The following RNF170 variants were observed in gnomAD, a reference collection of about 807,000 sequenced individuals.
RNF170 encodes the protein ring finger protein 170.
Under a neutral mutation model 32.7 loss-of-function variants are expected in RNF170, and 12 were observed. That is an observed-to-expected ratio of 0.37 (90% CI 0.24 to 0.60). RNF170 has a LOEUF of 0.60. Ranked by LOEUF, RNF170 falls within the 20% of genes least tolerant of loss-of-function variation. The pLI, the probability that RNF170 is intolerant of heterozygous loss-of-function variation, is 0.72. For missense variants in RNF170, 212 were observed against 311.2 expected (o/e 0.68, Z 2.40); for synonymous variants, 91 against 103.6 (o/e 0.88, Z 0.74).
Position 42,853,470 on chromosome 8 carries a change from G to A in RNF170, c.*2689C>T. ...TCTTCCCTTGTACCTCTCAAACACT[G>A]AGAATTGTAGTAGTTGAAACCACTG... is the stretch of plus-strand genomic sequence containing the variant. On this transcript the variant is annotated 3_prime_UTR_variant, in exon 7 of 7. Coordinates refer to ENST00000527424, the MANE Select transcript of RNF170 (RefSeq NM_030954.4). The A allele has an allele frequency of 7.8e-7, 1 of 1,287,112 alleles. No individual in the cohort carries two copies. Among genetic ancestry groups the A allele is most frequent in the Non-Finnish European group, 1.0e-6 (1 of 988,640 alleles). The allele number at this position is 1,287,112 out of a possible 1,614,324, so 79.7% of individuals were successfully genotyped here.
At chr8:42,896,254 C>A (rs946633914) in intron 1 of RNF170, 1 of 343,094 alleles carries the variant, frequency 2.9e-6, no homozygotes, top group Admixed American at 4.1e-5. Context: ...CCAAACCCAC[C>A]TAGAGCCGCT....
chr8:42,857,618 A>G (rs1019347618), intron 6 of RNF170, among the ~76,000 whole-genome samples: 6 of 152,264 alleles, frequency 3.9e-5, no homozygotes, highest in Non-Finnish European at 8.8e-5. Context: ...AATATTAAAG[A>G]GCTAAATGCC....
At chr8:42,880,103 T>C (rs1805267884) in intron 2 of RNF170, among the ~76,000 whole-genome samples, 5 of 152,176 alleles carry the variant, frequency 3.3e-5, no homozygotes. Context: ...TCACTGCAGA[T>C]ATGGTGGAAA....
intron 1 of RNF170, 148 bp from the exon 2 acceptor site, chr8:42,888,019 A>C: frequency 1.4e-6 from 1 of 712,832 alleles, no homozygotes; most frequent in Non-Finnish European, 2.4e-6. Context: ...GGACTGATGG[A>C]GTTCTTTAAA....
At chr8:42,894,136 A>C (rs778102574) in intron 1 of RNF170, among the ~76,000 whole-genome samples, 21 of 152,358 alleles carry the variant, frequency 1.4e-4, no homozygotes, top group Non-Finnish European at 2.6e-4. Flanking sequence ...ACATCCAAAA[A>C]GTTTTTACTA....
chr8:42,885,592 T>C (rs746757836), intron 2 of RNF170, among the ~76,000 whole-genome samples: 7 of 152,218 alleles, frequency 4.6e-5, no homozygotes, highest in Non-Finnish European at 8.8e-5. Flanking sequence ...TGTTTTCATC[T>C]TTTTGATAAC....
chr8:42,879,796 T>C (rs1255504900), intron 2 of RNF170, among the ~76,000 whole-genome samples: 1 of 152,020 alleles, frequency 6.6e-6, no homozygotes, highest in Non-Finnish European at 1.5e-5. Context: ...TGCCTCAGCC[T>C]CCCAAGTTGC....
At chr8:42,861,073 A>G (rs183089089) in intron 6 of RNF170, among the ~76,000 whole-genome samples, 8 of 152,226 alleles carry the variant, frequency 5.3e-5, no homozygotes, top group Non-Finnish European at 1.2e-4. Flanking sequence ...AATAGAATAA[A>G]CCACAACTGT....
intron 1 of RNF170, among the ~76,000 whole-genome samples, chr8:42,895,939 C>G (rs1338938850): frequency 6.6e-6 from 1 of 152,152 alleles, no homozygotes; most frequent in Non-Finnish European, 1.5e-5. Flanking sequence ...TCGTTTTTAT[C>G]TGGGTGTTTT....
intron 6 of RNF170, among the ~76,000 whole-genome samples, chr8:42,857,645 TTCA>T (rs1366079148): frequency 3.9e-5 from 6 of 152,238 alleles, no homozygotes; most frequent in Admixed American, 3.3e-4. Context: ...ATATTATAAT[TTCA>T]TCACATACCA....
intron 2 of RNF170, among the ~76,000 whole-genome samples, chr8:42,876,661 T>C (rs1311107565): frequency 1.3e-5 from 2 of 148,376 alleles, no homozygotes; most frequent in Non-Finnish European, 3.0e-5. Context: ...TTGTGGGTTT[T>C]TTTTTTTTTT....
intron 2 of RNF170, among the ~76,000 whole-genome samples, chr8:42,876,958 T>G (rs1286622479): frequency 6.9e-6 from 1 of 145,532 alleles, no homozygotes; most frequent in South Asian, 2.1e-4. Flanking sequence ...CCCGGACTTT[T>G]TTTTTTTTTT....
downstream of RNF170, chr8:42,849,792 T>G (rs1007212386): frequency 7.2e-5 from 11 of 152,262 alleles, no homozygotes; most frequent in Non-Finnish European, 1.6e-4. Context: ...TATTGTTTTC[T>G]CATTCATTGA....
downstream of RNF170, among the ~76,000 whole-genome samples, chr8:42,851,807 T>A (rs748906230): frequency 2.9e-4 from 44 of 152,036 alleles, 1 homozygote; most frequent in Non-Finnish European, 5.4e-4. Context: ...CTGGCTAATT[T>A]TATTTGTAGA....
At chr8:42,872,325 T>C (rs1804583181) in intron 3 of RNF170, among the ~76,000 whole-genome samples, 1 of 152,234 alleles carries the variant, frequency 6.6e-6, no homozygotes, top group Non-Finnish European at 1.5e-5. Context: ...GCCTTACTTA[T>C]GTCTAAAGAT....
intron 1 of RNF170, among the ~76,000 whole-genome samples, chr8:42,890,066 T>G (rs889048097): frequency 6.6e-6 from 1 of 152,144 alleles, no homozygotes; most frequent in Non-Finnish European, 1.5e-5. Context: ...ACAAATGCAT[T>G]GTAATTATTC....
intron 3 of RNF170, among the ~76,000 whole-genome samples, chr8:42,871,339 T>C (rs540009948): frequency 6.6e-6 from 1 of 152,282 alleles, no homozygotes; most frequent in East Asian, 1.9e-4. Flanking sequence ...CAGAAAAAAG[T>C]ATTAAGTTTA....
At chr8:42,895,774 G>A (rs1324426354) in intron 1 of RNF170, among the ~76,000 whole-genome samples, 1 of 152,132 alleles carries the variant, frequency 6.6e-6, no homozygotes, top group Admixed American at 6.5e-5. Flanking sequence ...ACCCGCAAAA[G>A]TTCAAAAACA....
chr8:42,888,611 A>C (rs1244765764), intron 1 of RNF170, among the ~76,000 whole-genome samples: 1 of 151,726 alleles, frequency 6.6e-6, no homozygotes, highest in African/African-American at 2.4e-5. Flanking sequence ...AAAAATACAA[A>C]ATTTAGCCGG....
Sources: allele counts gnomAD v4.1 joint callset (sites outside exome capture counted in the v4.1 genomes callset), GRCh38; gene constraint gnomAD v4.1.1; transcripts MANE v1.5; gene names NCBI Gene and HGNC (gene_info 2026-07-23, HGNC 2026-07-21).